The following PAPPA2 variants were observed in gnomAD, a reference collection of about 807,000 sequenced individuals.
PAPPA2 encodes the protein pappalysin 2.
PAPPA2 carries 86 observed loss-of-function variants against 176.4 expected under a neutral mutation model. That is an observed-to-expected ratio of 0.49 (90% confidence interval 0.41 to 0.58). The LOEUF (loss-of-function observed/expected upper bound fraction) is 0.58, where lower values mean the gene tolerates loss of function less well. Ranked by LOEUF, PAPPA2 falls within the 20% of genes least tolerant of loss-of-function variation. The pLI, the probability that PAPPA2 is intolerant of heterozygous loss-of-function variation, is 0.00. For synonymous variants in PAPPA2, 809 were observed against 852.2 expected, an observed-to-expected ratio of 0.95 and a Z score of 0.88; for missense variants, 2,073 against 2,256.9, an observed-to-expected ratio of 0.92 and a Z score of 1.65.
At chr1:176,485,578 A>G (rs1246642596) in intron 1 of PAPPA2, among the ~76,000 whole-genome samples, 3 of 152,052 alleles carry the variant, frequency 2.0e-5, no homozygotes, top group Non-Finnish European at 4.4e-5. Flanking sequence ...CATAGCACTT[A>G]CCACTCCTGG....
intron 15 of PAPPA2, among the ~76,000 whole-genome samples, chr1:176,768,084 C>T (rs376640824): frequency 2.6e-5 from 4 of 152,112 alleles, no homozygotes; most frequent in Non-Finnish European, 5.9e-5. Context: ...GGATGGCTGG[C>T]TCAGCCATAG....
chr1:176,685,167 A>G (rs10494501), intron 4 of PAPPA2, among the ~76,000 whole-genome samples: 26,503 of 152,020 alleles, frequency 0.17, 2,467 homozygotes, highest in Middle Eastern at 0.23. Context: ...CAGACTGCAC[A>G]TAGAATAATA....
intron 3 of PAPPA2, among the ~76,000 whole-genome samples, chr1:176,610,019 G>T (rs1654821013): frequency 6.6e-6 from 1 of 152,046 alleles, no homozygotes; most frequent in South Asian, 2.1e-4. Context: ...TAGTAATAAG[G>T]ATTCATCATG....
At chr1:176,658,653 A>G (rs1363133775) in intron 3 of PAPPA2, among the ~76,000 whole-genome samples, 1 of 151,978 alleles carries the variant, frequency 6.6e-6, no homozygotes, top group African/African-American at 2.4e-5. Context: ...GGAGGATAGC[A>G]TGAGCAAAGC....
intron 11 of PAPPA2, 124 bp from the exon 12 acceptor site, chr1:176,711,711 A>T (rs928429652): frequency 9.1e-7 from 1 of 1,100,176 alleles, no homozygotes; most frequent in African/African-American, 1.6e-5. Flanking sequence ...GTTTTCTGCC[A>T]ATAATGTGAT....
chr1:176,734,024 T>C (rs1438645747), intron 12 of PAPPA2, among the ~76,000 whole-genome samples: 2 of 152,000 alleles, frequency 1.3e-5, no homozygotes, highest in African/African-American at 4.8e-5. Context: ...AGAGGTTTTT[T>C]CCCCCCTCTG....
At chr1:176,803,577 A>G (rs1188698074) in intron 21 of PAPPA2, among the ~76,000 whole-genome samples, 5 of 152,114 alleles carry the variant, frequency 3.3e-5, no homozygotes, top group Non-Finnish European at 7.4e-5. Flanking sequence ...AGATCATTAT[A>G]TGAGTAGCTC....
chr1:176,540,891 C>T (rs1016377223), intron 1 of PAPPA2, among the ~76,000 whole-genome samples: 1 of 152,134 alleles, frequency 6.6e-6, no homozygotes, highest in Non-Finnish European at 1.5e-5. Flanking sequence ...TACTGGCTTA[C>T]CTCAAGAAGT....
At chr1:176,616,315 G>A (rs1363251499) in intron 3 of PAPPA2, 28 of 543,664 alleles carry the variant, frequency 5.2e-5, no homozygotes, top group South Asian at 7.3e-5. Flanking sequence ...TCTTTGAAGC[G>A]CAGCCGCATT....
chr1:176,704,163 C>T lies in PAPPA2; in HGVS notation c.3365+1428C>T, dbSNP rs147488285. 2.1e-3 allele frequency among the ~76,000 whole-genome samples: 319 copies of T among 152,252 alleles called. 2 individuals carry two copies. The highest frequency in any genetic ancestry group is 0.02 in the Middle Eastern group (6 of 294). On this transcript the variant is annotated intron_variant, in intron 9 of 22. Coordinates refer to ENST00000367662, the MANE Select transcript of PAPPA2 (RefSeq NM_020318.3). Reference sequence around the variant, plus strand: ...AGGGGTGGAGGGCTCTTTCCCTACCCTGATTTTGCACATTCTCTCACGAGC... The same window carrying T: ...AGGGGTGGAGGGCTCTTTCCCTACCTTGATTTTGCACATTCTCTCACGAGC...
intron 14 of PAPPA2, among the ~76,000 whole-genome samples, chr1:176,750,379 A>G (rs1003287978): frequency 3.3e-5 from 5 of 152,142 alleles, no homozygotes; most frequent in Non-Finnish European, 7.4e-5. Flanking sequence ...CCAAGGCAGG[A>G]GAATCGCCTG....
chr1:176,703,833 C>T (rs192383242), intron 9 of PAPPA2, among the ~76,000 whole-genome samples: 25 of 152,314 alleles, frequency 1.6e-4, no homozygotes, highest in Non-Finnish European at 2.9e-4. Flanking sequence ...CCCTTGCTAC[C>T]TAACTCAGCC....
At chr1:176,830,010 T>C (rs1373803147) in intron 21 of PAPPA2, among the ~76,000 whole-genome samples, 1 of 152,218 alleles carries the variant, frequency 6.6e-6, no homozygotes, top group Non-Finnish European at 1.5e-5. Flanking sequence ...CCAAGCTGTT[T>C]TCAGGTGATA....
intron 1 of PAPPA2, among the ~76,000 whole-genome samples, chr1:176,515,316 T>C (rs1354429357): frequency 6.6e-6 from 1 of 152,140 alleles, no homozygotes; most frequent in African/African-American, 2.4e-5. Context: ...AGAGAGACAC[T>C]TGAACTGCAC....
chr1:176,508,500 C>G (rs1648420166), intron 1 of PAPPA2, among the ~76,000 whole-genome samples: 1 of 151,196 alleles, frequency 6.6e-6, no homozygotes, highest in Non-Finnish European at 1.5e-5. Context: ...GAATTAATAG[C>G]CAATTAGACA....
intron 3 of PAPPA2, among the ~76,000 whole-genome samples, chr1:176,602,393 T>C (rs1000798327): frequency 1.3e-5 from 2 of 152,046 alleles, no homozygotes; most frequent in African/African-American, 4.8e-5. Flanking sequence ...AGAAAGGGTG[T>C]ATCTTGGGAC....
intron 21 of PAPPA2, among the ~76,000 whole-genome samples, chr1:176,819,183 A>G (rs983838273): frequency 6.6e-6 from 1 of 152,204 alleles, no homozygotes; most frequent in African/African-American, 2.4e-5. Context: ...GAGGGTCAGC[A>G]GCAGGGTAGT....
Position 176,474,177 on chromosome 1 carries a change from G to A in PAPPA2, c.-917+10759G>A, listed in dbSNP as rs137932542. On this transcript the variant is annotated intron_variant, in intron 1 of 22. Transcript: ENST00000367662. ...AGGTCATGTTATGATGCAGTAACAAGTGTCAATTCCCAGTGACTTATTTTT... is the reference window on the plus strand; with the variant it reads ...AGGTCATGTTATGATGCAGTAACAAATGTCAATTCCCAGTGACTTATTTTT... Among the ~76,000 whole-genome samples, 228 of 152,348 alleles carry A rather than the reference G, an allele frequency of 1.5e-3. 1 individual carries two copies. The highest frequency in any genetic ancestry group is 2.9e-3 in the East Asian group (15 of 5,190).
At chr1:176,756,957 G>A (rs1006094484) in intron 14 of PAPPA2, among the ~76,000 whole-genome samples, 1 of 152,192 alleles carries the variant, frequency 6.6e-6, no homozygotes, top group African/African-American at 2.4e-5. Flanking sequence ...AACATGCAGT[G>A]TTTGGTTTTC....
Sources: gnomAD v4.1 joint callset for allele counts (sites outside exome capture counted in the v4.1 genomes callset) on GRCh38, gnomAD v4.1.1 for gene constraint, MANE v1.5 for transcripts, NCBI Gene and HGNC (gene_info 2026-07-23, HGNC 2026-07-21) for gene names.